The following PRKG1 variants were observed in gnomAD, a reference collection of about 807,000 sequenced individuals.
PRKG1 encodes the protein protein kinase cGMP-dependent 1, also known as cGMP-dependent protein kinase 1.
In PRKG1, 35 loss-of-function variants were observed where a neutral mutation model predicts 88.1. That is an observed-to-expected ratio of 0.40 (90% confidence interval 0.30 to 0.53). The LOEUF (loss-of-function observed/expected upper bound fraction) is 0.53. Among genes scored for constraint, PRKG1 ranks in the 20% least tolerant of loss-of-function variants. PRKG1 has a pLI of 0.59. For missense variants in PRKG1, 540 were observed against 839.8 expected (o/e 0.64, Z 4.41); for synonymous variants, 303 against 292.5 (o/e 1.04, Z -0.37).
intron 7 of PRKG1, among the ~76,000 whole-genome samples, chr10:52,123,504 A>G (rs1466557561): frequency 5.9e-5 from 9 of 152,182 alleles, no homozygotes; most frequent in African/African-American, 9.7e-5. Flanking sequence ...TATGTTTATC[A>G]TAAGTTGATA....
intron 2 of PRKG1, among the ~76,000 whole-genome samples, chr10:51,220,513 C>T (rs61450361): frequency 0.012 from 1,880 of 151,776 alleles, 46 homozygotes; most frequent in African/African-American, 0.043. Context: ...TTCACAGTCA[C>T]GAGGGTGTAA....
intron 9 of PRKG1, among the ~76,000 whole-genome samples, chr10:52,188,297 T>TATATGTATATATATAC (rs1314710197): frequency 1.9e-4 from 21 of 110,886 alleles, no homozygotes; most frequent in African/African-American, 8.9e-4. Context: ...TGTGTATATA[T>TATATGTATATATATAC]ATATGTATAT....
intron 2 of PRKG1, among the ~76,000 whole-genome samples, chr10:51,161,552 C>A (rs530905108): frequency 6.6e-6 from 1 of 152,090 alleles, no homozygotes; most frequent in African/African-American, 2.4e-5. Context: ...TGGAAGCTTC[C>A]TGAAAGCTAA....
At chr10:51,572,062 C>T (rs2132169719) in intron 3 of PRKG1, among the ~76,000 whole-genome samples, 1 of 151,912 alleles carries the variant, frequency 6.6e-6, no homozygotes, top group East Asian at 1.9e-4. Flanking sequence ...CAGTATAAAG[C>T]AATTTGTAGT....
intron 2 of PRKG1, among the ~76,000 whole-genome samples, chr10:51,274,087 C>A (rs1308854378): frequency 6.6e-6 from 1 of 152,132 alleles, no homozygotes; most frequent in African/African-American, 2.4e-5. Context: ...AATTTATGTC[C>A]TCCTCATATT....
intron 7 of PRKG1, among the ~76,000 whole-genome samples, chr10:52,127,889 T>C (rs1837139998): frequency 6.6e-6 from 1 of 152,186 alleles, no homozygotes; most frequent in African/African-American, 2.4e-5. Flanking sequence ...ATTGACCTGA[T>C]ATGACTTTTC....
intron 4 of PRKG1, among the ~76,000 whole-genome samples, chr10:51,821,220 A>G (rs2226254): frequency 0.45 from 67,651 of 152,002 alleles, 17,411 homozygotes; most frequent in Non-Finnish European, 0.58. Context: ...TTGCATAAAT[A>G]TGCCACCATT....
At chr10:51,545,948 T>C (rs541526548) in intron 3 of PRKG1, among the ~76,000 whole-genome samples, 13 of 151,922 alleles carry the variant, frequency 8.6e-5, no homozygotes, top group African/African-American at 3.1e-4. Flanking sequence ...TAGCTTTAGC[T>C]GCATGGCTCC....
intron 1 of PRKG1, among the ~76,000 whole-genome samples, chr10:51,065,142 T>G (rs922012126): frequency 1.3e-5 from 2 of 152,050 alleles, no homozygotes; most frequent in African/African-American, 4.8e-5. Flanking sequence ...GATGTATGTA[T>G]TAAGAAGCAC....
chr10:51,620,867 G>C (rs1839187006), intron 3 of PRKG1, among the ~76,000 whole-genome samples: 1 of 151,806 alleles, frequency 6.6e-6, no homozygotes, highest in African/African-American at 2.4e-5. Flanking sequence ...ACTGTCATAA[G>C]TTTAGGGAAA....
chr10:51,800,287 G>A (rs944039150), intron 3 of PRKG1, among the ~76,000 whole-genome samples: 5 of 152,000 alleles, frequency 3.3e-5, no homozygotes, highest in South Asian at 2.1e-4. Flanking sequence ...TAGTCAGTTC[G>A]GACTATTGTA....
chr10:51,506,474 A>G (rs1841208168), intron 3 of PRKG1, among the ~76,000 whole-genome samples: 1 of 152,192 alleles, frequency 6.6e-6, no homozygotes, highest in Non-Finnish European at 1.5e-5. Context: ...AAACAACCCC[A>G]TCAACAAGTG....
intron 9 of PRKG1, among the ~76,000 whole-genome samples, chr10:52,235,534 G>C (rs1375048960): frequency 3.3e-5 from 5 of 149,746 alleles, no homozygotes; most frequent in South Asian, 4.3e-4. Context: ...TGATAAAACA[G>C]ACTTTAAACC....
chr10:51,321,068 T>TA (rs34910944), intron 2 of PRKG1, among the ~76,000 whole-genome samples: 88,681 of 151,520 alleles, frequency 0.59, 26,305 homozygotes, highest in African/African-American at 0.68. Context: ...TTAGAGGAAT[T>TA]AAAAAAAAAT....
At chr10:51,068,009 G>A (rs1843775699) in intron 1 of PRKG1, among the ~76,000 whole-genome samples, 1 of 152,058 alleles carries the variant, frequency 6.6e-6, no homozygotes, top group Non-Finnish European at 1.5e-5. Flanking sequence ...CAAGGCCAAT[G>A]ATAATGTTGT....
chr10:52,224,586 C>T (rs1840333989), intron 9 of PRKG1, among the ~76,000 whole-genome samples: 2 of 26,264 alleles, frequency 7.6e-5, no homozygotes, highest in Non-Finnish European at 2.0e-4. Context: ...GTAGTCTATC[C>T]TTCGCCCCAC....
At chr10:51,065,958 A>G (rs924419178) in intron 1 of PRKG1, among the ~76,000 whole-genome samples, 3 of 152,114 alleles carry the variant, frequency 2.0e-5, no homozygotes, top group African/African-American at 7.2e-5. Context: ...ATTATCAGAG[A>G]GAGTTTTTTT....
intron 3 of PRKG1, among the ~76,000 whole-genome samples, chr10:51,517,500 T>C (rs1841620300): frequency 6.6e-6 from 1 of 152,218 alleles, no homozygotes; most frequent in Non-Finnish European, 1.5e-5. Flanking sequence ...GGATGACTTC[T>C]AAGGTTTAGC....
At chr10:51,577,430 A>G (rs1000915805) in intron 3 of PRKG1, among the ~76,000 whole-genome samples, 6 of 152,052 alleles carry the variant, frequency 3.9e-5, no homozygotes, top group Admixed American at 2.0e-4. Flanking sequence ...CTAATGTTGT[A>G]TAGTCTTCTT....
Sources: allele counts gnomAD v4.1 joint callset (sites outside exome capture counted in the v4.1 genomes callset), GRCh38; gene constraint gnomAD v4.1.1; transcripts MANE v1.5; gene names NCBI Gene and HGNC (gene_info 2026-07-23, HGNC 2026-07-21).